Variants in CDH6 observed in about 807,000 individuals in gnomAD.
The protein encoded by CDH6 is cadherin 6.
A neutral mutation model predicts 78.0 loss-of-function variants in CDH6; 31 were observed. That is an observed-to-expected ratio of 0.40 (90% confidence interval 0.30 to 0.54). CDH6 has a LOEUF of 0.54. Ranked by LOEUF, CDH6 falls within the 20% of genes least tolerant of loss-of-function variation. CDH6 has a pLI of 0.56. For missense variants in CDH6, 724 were observed against 975.9 expected (o/e 0.74, Z 3.44); for synonymous variants, 376 against 368.8 (o/e 1.02, Z -0.23).
At chr5:31,315,444 C>G (rs1295134185) in intron 8 of CDH6, among the ~76,000 whole-genome samples, 1 of 152,204 alleles carries the variant, frequency 6.6e-6, no homozygotes, top group Non-Finnish European at 1.5e-5. Context: ...ATTCTAACTC[C>G]TGATCCTTAC....
intron 1 of CDH6, among the ~76,000 whole-genome samples, chr5:31,227,923 C>T (rs1741204980): frequency 6.6e-6 from 1 of 152,190 alleles, no homozygotes; most frequent in African/African-American, 2.4e-5. Flanking sequence ...TACCACAAAA[C>T]AATACAAACT....
intron 2 of CDH6, among the ~76,000 whole-genome samples, chr5:31,290,005 C>T (rs775814435): frequency 9.9e-5 from 15 of 152,078 alleles, no homozygotes; most frequent in Non-Finnish European, 1.9e-4. Flanking sequence ...CCTGTAATCC[C>T]GGCACTTTGG....
chr5:31,238,794 A>C, intron 1 of CDH6, among the ~76,000 whole-genome samples: 1 of 152,240 alleles, frequency 6.6e-6, no homozygotes, highest in East Asian at 1.9e-4. Context: ...TGGACAACAT[A>C]GCTCTGGAAA....
chr5:31,257,501 T>G (rs1364224280), intron 1 of CDH6, among the ~76,000 whole-genome samples: 8 of 152,202 alleles, frequency 5.3e-5, no homozygotes, highest in Non-Finnish European at 8.8e-5. Context: ...TATCTTCAAT[T>G]CACGCATTTA....
At chr5:31,215,736 C>T (rs1476857607) in intron 1 of CDH6, among the ~76,000 whole-genome samples, 1 of 152,148 alleles carries the variant, frequency 6.6e-6, no homozygotes, top group African/African-American at 2.4e-5. Context: ...CTCTTTTTCT[C>T]TCCATGTCCT....
chr5:31,240,489 T>A (rs1171545962), intron 1 of CDH6, among the ~76,000 whole-genome samples: 1 of 152,034 alleles, frequency 6.6e-6, no homozygotes, highest in Non-Finnish European at 1.5e-5. Flanking sequence ...CACAATCAGA[T>A]CATTTAGGCC....
At chr5:31,272,224 T>C (rs561946276) in intron 2 of CDH6, among the ~76,000 whole-genome samples, 2 of 152,264 alleles carry the variant, frequency 1.3e-5, no homozygotes, top group East Asian at 3.9e-4. Context: ...AAGCTGGAGT[T>C]CAAAGAGTGA....
At chr5:31,322,037 A>C (rs919706843) in intron 11 of CDH6, among the ~76,000 whole-genome samples, 8 of 152,222 alleles carry the variant, frequency 5.3e-5, no homozygotes, top group African/African-American at 1.7e-4. Flanking sequence ...GGAGGGAAAA[A>C]ATCAAAAGAA....
In CDH6 at chr5:31,316,197, G is replaced by T. The variant is rs754643708; in HGVS notation, c.1391-11G>T. ...GTAAATGCCTTTTTCTTTCTTTTTG[G>T]TTTGTGACAGATAATCCAAAGCAAA... On this transcript the variant is annotated splice_polypyrimidine_tract_variant and intron_variant, in intron 8 of 11. Coordinates refer to ENST00000265071, the MANE Select transcript of CDH6 (RefSeq NM_004932.4). The T allele has an allele frequency of 6.3e-7, 1 of 1,592,596 alleles. No individual in the cohort carries two copies. The highest frequency in any genetic ancestry group is 1.2e-5 in the South Asian group (1 of 86,224).
chr5:31,301,382 A>G (rs1737758269), intron 5 of CDH6, among the ~76,000 whole-genome samples: 1 of 152,230 alleles, frequency 6.6e-6, no homozygotes, highest in Non-Finnish European at 1.5e-5. Context: ...GGCCTGGCCA[A>G]TCTAAACTGA....
chr5:31,212,217 G>A (rs928823343), intron 1 of CDH6, among the ~76,000 whole-genome samples: 3 of 152,152 alleles, frequency 2.0e-5, no homozygotes, highest in African/African-American at 4.8e-5. Flanking sequence ...TCCACAAGGG[G>A]CCTAGCATGT....
Position 31,257,069 on chromosome 5 carries a change from C to T in CDH6, c.-128-10277C>T, listed in dbSNP as rs374091694. ...ACCAAACATTCAAAAGAACTTGGAC[C>T]TTTGCTTAATGGTTCAAGGTCATTT... On this transcript the variant is annotated intron_variant, in intron 1 of 11. Transcript: ENST00000265071. Among the ~76,000 whole-genome samples, 8 of 152,330 alleles carry T rather than the reference C, an allele frequency of 5.3e-5. 1 individual carries two copies. The highest frequency in any genetic ancestry group is 1.9e-4 in the East Asian group (1 of 5,182).
chr5:31,227,320 C>T (rs6894570), intron 1 of CDH6, among the ~76,000 whole-genome samples: 14,289 of 152,172 alleles, frequency 0.094, 787 homozygotes, highest in South Asian at 0.24. Context: ...TCTACTTGGG[C>T]TTTGGGATAC....
chr5:31,312,945 G>GCACACACA (rs3028834), intron 7 of CDH6, among the ~76,000 whole-genome samples: 20,481 of 149,130 alleles, frequency 0.14, 1,481 homozygotes, highest in South Asian at 0.18. Context: ...ATGCATACAA[G>GCACACACA]CACACACACA....
chr5:31,218,779 C>T (rs1298231585), intron 1 of CDH6, among the ~76,000 whole-genome samples: 2 of 152,154 alleles, frequency 1.3e-5, no homozygotes, highest in Admixed American at 6.5e-5. Context: ...CAGGGTCTAA[C>T]ACAGGGTCAT....
At position 31,323,917 on chromosome 5, in the gene CDH6, T is replaced by C. The variant is rs2149962774; in HGVS notation, c.*609T>C. The C allele has an allele frequency of 4.4e-6, 1 of 229,418 alleles. No individual in the cohort carries two copies. Among genetic ancestry groups the C allele is most frequent in the East Asian group, 6.3e-5 (1 of 15,994 alleles). The allele number at this position is 229,418 out of a possible 1,614,324, so 14.2% of individuals were successfully genotyped here. ...ATTACTCTTAAGGAATAGAAGCAAA[T>C]TAAACGGTAACATCCAAAAGCAACC... is the stretch of plus-strand genomic sequence containing the variant. On this transcript the variant is annotated 3_prime_UTR_variant, in exon 12 of 12. Transcript: ENST00000265071.
chr5:31,297,358 T>C lies in CDH6; in HGVS notation c.593T>C (p.Val198Ala). Residue 198 changes from valine (V) to alanine (A), a missense_variant, in exon 4 of 12, where the codon GTC (valine) becomes GCC (alanine). Transcript: ENST00000265071. ...ACATATGGGAACAGTGCTAAAGTTG[T>C]CTACAGTATTCTACAGGGACAGCCC... ...DPTYGNSAKV[V>A]YSILQGQPYF... is the part of the protein sequence containing the mutation. 6.2e-7 allele frequency: 1 copy of C among 1,609,402 alleles called. No individual in the cohort carries two copies. Among genetic ancestry groups the C allele is most frequent in the Non-Finnish European group, 8.5e-7 (1 of 1,175,868 alleles).
intron 1 of CDH6, among the ~76,000 whole-genome samples, chr5:31,263,449 T>C (rs1742266160): frequency 6.8e-6 from 1 of 147,330 alleles, no homozygotes; most frequent in Non-Finnish European, 1.5e-5. Flanking sequence ...GTCTTTTTTT[T>C]TTTTTTTTTT....
intron 1 of CDH6, among the ~76,000 whole-genome samples, chr5:31,248,955 A>G (rs987083131): frequency 6.6e-6 from 1 of 152,182 alleles, no homozygotes; most frequent in Non-Finnish European, 1.5e-5. Flanking sequence ...AATTCATTAA[A>G]TTAGTGTTCC....
Sources: gnomAD v4.1 joint callset for allele counts (sites outside exome capture counted in the v4.1 genomes callset) on GRCh38, gnomAD v4.1.1 for gene constraint, MANE v1.5 for transcripts, NCBI Gene and HGNC (gene_info 2026-07-23, HGNC 2026-07-21) for gene names.